Variants in SLC30A8 observed in about 807,000 individuals in gnomAD.
SLC30A8 encodes the protein solute carrier family 30 member 8.
In SLC30A8, 27 loss-of-function variants were observed where a neutral mutation model predicts 36.9. That is an observed-to-expected ratio of 0.73 (90% CI 0.54 to 1.01). The LOEUF (loss-of-function observed/expected upper bound fraction) is 1.01. Among genes scored for constraint, SLC30A8 ranks in the 50% least tolerant of loss-of-function variants. The pLI, the probability that SLC30A8 is intolerant of heterozygous loss-of-function variation, is 0.00. For missense variants in SLC30A8, 439 were observed against 452.0 expected (o/e 0.97, Z 0.26); for synonymous variants, 164 against 172.4 (o/e 0.95, Z 0.38).
intron 1 of SLC30A8, among the ~76,000 whole-genome samples, chr8:116,998,138 G>A (rs576360104): frequency 2.0e-5 from 3 of 152,302 alleles, no homozygotes; most frequent in Admixed American, 2.0e-4. Flanking sequence ...GTAGACTGAT[G>A]TCTTGATGAA....
intron 2 of SLC30A8, among the ~76,000 whole-genome samples, chr8:117,072,837 CTTTTTTT>C (rs59816392): frequency 3.6e-5 from 5 of 139,758 alleles, no homozygotes. Context: ...AATCCTACTA[CTTTTTTT>C]TTTTTTTTTT....
intron 1 of SLC30A8, among the ~76,000 whole-genome samples, chr8:116,998,602 CTTTGTAGAT>C (rs1815899352): frequency 6.6e-6 from 1 of 152,070 alleles, no homozygotes; most frequent in Non-Finnish European, 1.5e-5. Context: ...GGAATAAGGT[CTTTGTAGAT>C]TTGCATATGT....
intron 1 of SLC30A8, among the ~76,000 whole-genome samples, chr8:116,981,276 G>A (rs1416131504): frequency 6.6e-6 from 1 of 152,164 alleles, no homozygotes; most frequent in Admixed American, 6.5e-5. Context: ...GAACCAGGTG[G>A]AAGCTACATG....
intron 1 of SLC30A8, among the ~76,000 whole-genome samples, chr8:117,143,254 G>A (rs555481111): frequency 1.3e-5 from 2 of 152,214 alleles, no homozygotes; most frequent in African/African-American, 2.4e-5. Context: ...AAGTTTTAGA[G>A]TACTGGCATC....
chr8:117,024,027 G>T (rs1391064413), intron 1 of SLC30A8, among the ~76,000 whole-genome samples: 1 of 152,114 alleles, frequency 6.6e-6, no homozygotes, highest in Non-Finnish European at 1.5e-5. Flanking sequence ...TAAGGTAAAA[G>T]CACAACCATG....
intron 2 of SLC30A8, among the ~76,000 whole-genome samples, chr8:117,041,620 C>T (rs1055491615): frequency 6.6e-6 from 1 of 151,708 alleles, no homozygotes; most frequent in Non-Finnish European, 1.5e-5. Context: ...ATCCAGGAGG[C>T]GTAGGAGGCA....
At chr8:117,019,091 C>G (rs1397739512) in intron 1 of SLC30A8, among the ~76,000 whole-genome samples, 1 of 152,160 alleles carries the variant, frequency 6.6e-6, no homozygotes, top group Non-Finnish European at 1.5e-5. Flanking sequence ...AATATTTAGT[C>G]TCTGGCCCTT....
At chr8:117,073,865 G>C (rs1454282640) in intron 2 of SLC30A8, among the ~76,000 whole-genome samples, 2 of 152,136 alleles carry the variant, frequency 1.3e-5, no homozygotes, top group East Asian at 1.9e-4. Flanking sequence ...TTCCCCGTCA[G>C]CCCTCCACAA....
At chr8:116,962,508 G>C (rs1489063316) in intron 1 of SLC30A8, among the ~76,000 whole-genome samples, 1 of 151,940 alleles carries the variant, frequency 6.6e-6, no homozygotes, top group Non-Finnish European at 1.5e-5. Context: ...TGTTCTTACT[G>C]ATGCTCACTC....
chr8:117,160,416 T>C (rs924243897), intron 4 of SLC30A8, among the ~76,000 whole-genome samples: 13 of 145,614 alleles, frequency 8.9e-5, no homozygotes, highest in African/African-American at 3.6e-4. Flanking sequence ...TGTGTGTGTG[T>C]GTGTGTGTGT....
In SLC30A8 at chr8:117,172,732, C is replaced by A. The variant is rs184753205; in HGVS notation, c.*51C>A. On this transcript the variant is annotated 3_prime_UTR_variant, in exon 8 of 8. Coordinates refer to ENST00000456015, the MANE Select transcript of SLC30A8 (RefSeq NM_173851.3). ...ATTTGACAGGCCACCTTCAAACATG[C>A]TGCTATGCAGTTTCTGCATCATAGA... 51 of 1,599,026 alleles carry A rather than the reference C, an allele frequency of 3.2e-5. No homozygotes were observed. In the African/African-American group the frequency reaches 5.9e-4, roughly 18 times the overall value.
chr8:117,061,805 G>A (rs1818030654), intron 2 of SLC30A8, among the ~76,000 whole-genome samples: 1 of 152,164 alleles, frequency 6.6e-6, no homozygotes, highest in African/African-American at 2.4e-5. Context: ...GAGTCCCTGA[G>A]AGTCATCTTA....
At chr8:117,024,792 G>GTT (rs200170506) in intron 1 of SLC30A8, among the ~76,000 whole-genome samples, 1 of 151,654 alleles carries the variant, frequency 6.6e-6, no homozygotes, top group African/African-American at 2.4e-5. Context: ...ATCATTATTT[G>GTT]TTTTTTTTAA....
intron 2 of SLC30A8, among the ~76,000 whole-genome samples, chr8:117,126,130 CA>C (rs898828737): frequency 6.6e-6 from 1 of 151,674 alleles, no homozygotes; most frequent in South Asian, 2.1e-4. Context: ...TTTTTTATGG[CA>C]AAAAACGTCC....
At chr8:117,130,905 T>A (rs1416942254), upstream of SLC30A8, among the ~76,000 whole-genome samples, 3 of 151,926 alleles carry the variant, frequency 2.0e-5, no homozygotes. Flanking sequence ...GCCCCAATAT[T>A]TCTCCCCCCA....
chr8:117,088,380 C>T (rs1466873144), intron 2 of SLC30A8, among the ~76,000 whole-genome samples: 2 of 152,122 alleles, frequency 1.3e-5, no homozygotes, highest in African/African-American at 2.4e-5. Context: ...CCCCCTTATT[C>T]CTGGAGTCCA....
intron 1 of SLC30A8, among the ~76,000 whole-genome samples, chr8:116,991,902 A>G (rs1229905755): frequency 6.6e-6 from 1 of 152,230 alleles, no homozygotes; most frequent in Non-Finnish European, 1.5e-5. Flanking sequence ...GATGATGCTT[A>G]TCAAGGTCCA....
At chr8:117,027,437 A>G (rs1362251941) in intron 1 of SLC30A8, among the ~76,000 whole-genome samples, 1 of 152,164 alleles carries the variant, frequency 6.6e-6, no homozygotes, top group African/African-American at 2.4e-5. Context: ...AAATGTCAAT[A>G]TGTCAGGAAA....
intron 6 of SLC30A8, among the ~76,000 whole-genome samples, chr8:117,169,864 C>T (rs1823282469): frequency 6.6e-6 from 1 of 152,152 alleles, no homozygotes; most frequent in African/African-American, 2.4e-5. Flanking sequence ...CCAAACACCT[C>T]CCACCAGGCC....
Sources: gnomAD v4.1 joint callset for allele counts (sites outside exome capture counted in the v4.1 genomes callset) on GRCh38, gnomAD v4.1.1 for gene constraint, MANE v1.5 for transcripts, NCBI Gene and HGNC (gene_info 2026-07-23, HGNC 2026-07-21) for gene names.